Variants in ANAPC4 observed in about 807,000 individuals in gnomAD.
ANAPC4 encodes the protein anaphase promoting complex subunit 4, also known as anaphase-promoting complex subunit 4.
Under a neutral mutation model 119.8 loss-of-function variants are expected in ANAPC4, and 63 were observed. The observed-to-expected ratio is 0.53, with a 90% CI of 0.43 to 0.65. The LOEUF is 0.65. Among genes scored for constraint, ANAPC4 ranks in the 30% least tolerant of loss-of-function variants. ANAPC4 has a pLI of 0.00. For missense variants in ANAPC4, 716 were observed against 945.1 expected, an observed-to-expected ratio of 0.76 and a Z score of 3.18; for synonymous variants, 283 against 318.6, an observed-to-expected ratio of 0.89 and a Z score of 1.19.
intron 12 of ANAPC4, 79 bp downstream of exon 12, chr4:25,394,453 C>G: frequency 7.8e-7 from 1 of 1,283,564 alleles, no homozygotes; most frequent in Non-Finnish European, 1.1e-6. Flanking sequence ...AGTTTATAGT[C>G]ATAGTATGTG....
rs181096809 is a variant in ANAPC4 at position 25,381,363 on chromosome 4, G to A, written c.235+884G>A. Reference sequence around the variant, plus strand: ...GAGTGCAGTGCAGTGGTGCAATCTCGGCTCACTGCAACCTTGGGCTCACTG... The same window carrying A: ...GAGTGCAGTGCAGTGGTGCAATCTCAGCTCACTGCAACCTTGGGCTCACTG... On this transcript the variant is annotated intron_variant, in intron 3 of 28. Coordinates refer to ENST00000315368, the MANE Select transcript of ANAPC4 (RefSeq NM_013367.3). Among the ~76,000 whole-genome samples, 16 of 150,894 alleles carry A rather than the reference G, an allele frequency of 1.1e-4. 1 individual carries two copies. Among genetic ancestry groups the A allele is most frequent in the Middle Eastern group, 6.8e-3 (2 of 294 alleles).
rs373953120 is a variant in ANAPC4 at position 25,411,904 on chromosome 4, C to T, written c.1526-1741C>T. 1.9e-3 allele frequency among the ~76,000 whole-genome samples: 282 copies of T among 152,202 alleles called. 1 individual carries two copies. The highest frequency in any genetic ancestry group is 4.1e-3 in the South Asian group (20 of 4,820). ...GGTGTCCTACAATTCAATTCTGACA[C>T]GAATTACAGATAGTTAGCGCAGACC... On this transcript the variant is annotated intron_variant, in intron 21 of 28. Transcript: ENST00000315368.
intron 21 of ANAPC4, chr4:25,412,857 T>C (rs949724825): frequency 2.6e-5 from 4 of 152,220 alleles, no homozygotes; most frequent in African/African-American, 9.6e-5. Context: ...AATGTTTTTC[T>C]GTGATAACAT....
intron 9 of ANAPC4, 50 bp from the exon 10 acceptor site, chr4:25,392,288 T>G (rs749711915): frequency 2.3e-6 from 3 of 1,292,482 alleles, no homozygotes; most frequent in South Asian, 1.2e-5. Flanking sequence ...TTACAGACTT[T>G]GCAGCAAGTG....
chr4:25,400,772 G>T (rs1722919812), intron 16 of ANAPC4, among the ~76,000 whole-genome samples: 1 of 152,222 alleles, frequency 6.6e-6, no homozygotes, highest in African/African-American at 2.4e-5. Flanking sequence ...GTGAGGACAT[G>T]TAGGGGCTGA....
chr4:25,402,906 G>A, intron 16 of ANAPC4, 65 bp from the exon 17 acceptor site: 2 of 889,202 alleles, frequency 2.2e-6, no homozygotes, highest in Non-Finnish European at 1.7e-6. Context: ...CCTGACAGTT[G>A]AGTAGGATGT....
Position 25,387,960 on chromosome 4 carries a change from TA to T in ANAPC4, c.369-529del, listed in dbSNP as rs1046263750. ...GGCAACATAGTGAGACCCCCATCTC[TA>T]AAAAAAAAAATGTATATATTAGCTG... On this transcript the variant is annotated intron_variant, in intron 4 of 28. Transcript: ENST00000315368. Among the ~76,000 whole-genome samples the T allele has an allele frequency of 1.2e-4, 18 of 149,122 alleles. No individual in the cohort carries two copies. The South Asian group carries it at 1.7e-3, about 14-fold the overall frequency.
At chr4:25,413,837 C>A in intron 22 of ANAPC4, 95 bp downstream of exon 22, 1 of 992,604 alleles carries the variant, frequency 1.0e-6, no homozygotes, top group Non-Finnish European at 1.5e-6. Flanking sequence ...TTAGAATGAA[C>A]TATGAAAATG....
chr4:25,406,599 A>G (rs1723262751), intron 18 of ANAPC4, among the ~76,000 whole-genome samples: 1 of 152,208 alleles, frequency 6.6e-6, no homozygotes, highest in Non-Finnish European at 1.5e-5. Context: ...TTCTGTAGCT[A>G]TTGGATTAAC....
chr4:25,391,853 T>A (rs2292406), intron 9 of ANAPC4, among the ~76,000 whole-genome samples: 65,664 of 152,044 alleles, frequency 0.43, 15,764 homozygotes, highest in Non-Finnish European at 0.53. Context: ...TTTGCTCATC[T>A]TCTTAAGGTT....
At chr4:25,381,947 CAAAAAA>C (rs66528862) in intron 3 of ANAPC4, among the ~76,000 whole-genome samples, 1 of 151,422 alleles carries the variant, frequency 6.6e-6, no homozygotes, top group Non-Finnish European at 1.5e-5. Context: ...GACTCCGTCT[CAAAAAA>C]AAAATCCCTG....
At chr4:25,412,314 G>A (rs888096981) in intron 21 of ANAPC4, among the ~76,000 whole-genome samples, 2 of 152,060 alleles carry the variant, frequency 1.3e-5, no homozygotes, top group Admixed American at 1.3e-4. Flanking sequence ...TCATTATGTA[G>A]ACATGATTGA....
chr4:25,378,063 T>G (rs1469874028), intron 2 of ANAPC4, among the ~76,000 whole-genome samples: 1 of 152,196 alleles, frequency 6.6e-6, no homozygotes, highest in African/African-American at 2.4e-5. Flanking sequence ...TGTCCACGTT[T>G]TATAGTACGG....
rs140263991 is a variant in ANAPC4 at position 25,388,877 on chromosome 4, C to T, written c.510C>T (p.Asp170=). The change falls in exon 7 of 29, where the codon GAC becomes GAT. Residue 170 remains aspartate (D), a synonymous_variant. Coordinates refer to ENST00000315368, the MANE Select transcript of ANAPC4 (RefSeq NM_013367.3). The part of the protein sequence containing the change: ...NSDEIIKLLG[D]VRLNILVLGG... ...ATGAAATTATTAAGCTCTTGGGAGA[C>T]GTCAGGTAAATCTTACAGATAAATA... 67 of 1,593,628 alleles carry T rather than the reference C, an allele frequency of 4.2e-5. No individual in the cohort carries two copies. Among genetic ancestry groups the T allele is most frequent in the Non-Finnish European group, 5.0e-5 (58 of 1,167,508 alleles).
chr4:25,417,379 G>T (rs917978478), intron 27 of ANAPC4: 3 of 281,498 alleles, frequency 1.1e-5, no homozygotes, highest in African/African-American at 4.4e-5. Context: ...CCTTGGCCTC[G>T]CAAAGTGCTG....
In ANAPC4 at chr4:25,391,019, A is replaced by G. The variant is rs765110271; in HGVS notation, c.705+4A>G. 5 of 1,592,324 alleles carry G rather than the reference A, an allele frequency of 3.1e-6. No individual in the cohort carries two copies. In the South Asian group the frequency reaches 4.4e-5, roughly 14 times the overall value. ...TTCAGAAGTTTCATACTTTCAGGTG[A>G]GTATTGGAACTTGATAACGGTAGAG... On this transcript the variant is annotated splice_donor_region_variant and intron_variant, in intron 9 of 28. Coordinates refer to ENST00000315368, the MANE Select transcript of ANAPC4 (RefSeq NM_013367.3).
intron 7 of ANAPC4, 68 bp from the exon 8 acceptor site, chr4:25,390,068 C>A: frequency 9.2e-7 from 1 of 1,086,088 alleles, no homozygotes; most frequent in Admixed American, 2.0e-5. Context: ...TAATTTATAT[C>A]TCGCTTTAAC....
At chr4:25,412,124 T>C (rs1014468389) in intron 21 of ANAPC4, among the ~76,000 whole-genome samples, 2 of 152,070 alleles carry the variant, frequency 1.3e-5, no homozygotes, top group Admixed American at 6.5e-5. Context: ...GGGAAACATA[T>C]AATTTTTGTT....
chr4:25,391,397 C>A (rs922358730), intron 9 of ANAPC4, among the ~76,000 whole-genome samples: 1 of 152,292 alleles, frequency 6.6e-6, no homozygotes, highest in African/African-American at 2.4e-5. Flanking sequence ...ATCTTCACAG[C>A]ATCATAATAG....
Sources: allele counts gnomAD v4.1 joint callset (sites outside exome capture counted in the v4.1 genomes callset), GRCh38; gene constraint gnomAD v4.1.1; transcripts MANE v1.5; gene names NCBI Gene and HGNC (gene_info 2026-07-23, HGNC 2026-07-21).